EIF3I: variants seen among roughly 807,000 people sequenced by gnomAD.
EIF3I encodes eukaryotic translation initiation factor 3 subunit I.
EIF3I carries 20 observed loss-of-function variants against 43.3 expected under a neutral mutation model. The observed-to-expected ratio is 0.46, with a 90% confidence interval of 0.32 to 0.67. The LOEUF (loss-of-function observed/expected upper bound fraction) is 0.67. Among genes scored for constraint, EIF3I ranks in the 30% least tolerant of loss-of-function variants. The pLI, the probability that EIF3I is intolerant of heterozygous loss-of-function variation, is 0.03. For missense variants in EIF3I, 279 were observed against 421.4 expected (o/e 0.66, Z 2.96); for synonymous variants, 167 against 151.7 (o/e 1.10, Z -0.74).
intron 2 of EIF3I, among the ~76,000 whole-genome samples, 181 bp from the exon 3 acceptor site, chr1:32,223,853 C>T (rs185273469): frequency 8.8e-4 from 134 of 152,296 alleles, no homozygotes; most frequent in Non-Finnish European, 1.5e-3. Flanking sequence ...CTGTTGCTTC[C>T]CTTCAGGAAG....
chr1:32,231,303 C>T, exon 12 of EIF3I: 2 of 1,004,368 alleles, frequency 2.0e-6, no homozygotes, highest in South Asian at 1.4e-5. Context: ...CCAGCCTGAC[C>T]AACATGGAGA....
chr1:32,228,544 A>C, exon 7 of EIF3I: 1 of 1,614,192 alleles, frequency 6.2e-7, no homozygotes, highest in Non-Finnish European at 8.5e-7. Flanking sequence ...CCGGCAGATC[A>C]ACGACATCCA....
At chr1:32,224,246 C>G (rs933284786) in intron 3 of EIF3I, 125 bp downstream of exon 3, 6 of 1,121,288 alleles carry the variant, frequency 5.4e-6, no homozygotes, top group Middle Eastern at 2.1e-4. Flanking sequence ...ACTCCCTGGT[C>G]TCTTCACTGA....
chr1:32,235,123 G>A (rs993735584), downstream of EIF3I: 1 of 152,690 alleles, frequency 6.5e-6, no homozygotes, highest in African/African-American at 2.4e-5. Flanking sequence ...TCTGGGCGGT[G>A]GGAGTCTGGT....
intron 4 of EIF3I, 93 bp from the exon 5 acceptor site, chr1:32,226,078 A>G: frequency 1.3e-6 from 2 of 1,488,166 alleles, no homozygotes; most frequent in African/African-American, 1.4e-5. Flanking sequence ...TCACTGGAGC[A>G]AGACAAACAG....
At chr1:32,231,125 G>A (rs756475375) in exon 12 of EIF3I, 48 of 1,613,958 alleles carry the variant, frequency 3.0e-5, no homozygotes, top group East Asian at 4.5e-5. Context: ...CTACAGCAGC[G>A]GCGGCGAAGA....
intron 2 of EIF3I, among the ~76,000 whole-genome samples, chr1:32,223,184 C>A (rs1639060920): frequency 6.6e-6 from 1 of 152,220 alleles, no homozygotes; most frequent in Non-Finnish European, 1.5e-5. Flanking sequence ...ACACAGGGAA[C>A]TTAATGAGGG....
intron 6 of EIF3I, 144 bp downstream of exon 6, chr1:32,226,674 C>T: frequency 2.2e-6 from 2 of 909,364 alleles, no homozygotes; most frequent in Non-Finnish European, 2.9e-6. Context: ...TCAAGCAATT[C>T]CCCTGCCTTA....
intron 2 of EIF3I, among the ~76,000 whole-genome samples, chr1:32,223,420 A>G (rs1435210251): frequency 6.6e-6 from 1 of 152,144 alleles, no homozygotes; most frequent in Non-Finnish European, 1.5e-5. Flanking sequence ...AGTAGCTGGG[A>G]CTACAGGCTC....
exon 12 of EIF3I, chr1:32,231,312 G>T: frequency 1.1e-6 from 1 of 912,760 alleles, no homozygotes; most frequent in South Asian, 1.5e-5. Flanking sequence ...CCAACATGGA[G>T]AAACCTCGTC....
chr1:32,236,036 C>T (rs1021971658), downstream of EIF3I, among the ~76,000 whole-genome samples: 1 of 152,214 alleles, frequency 6.6e-6, no homozygotes, highest in Non-Finnish European at 1.5e-5. Context: ...ATACTCGACA[C>T]TCCCACCATA....
At chr1:32,230,224 ATC>A (rs1639214779) in intron 9 of EIF3I, among the ~76,000 whole-genome samples, 1 of 148,600 alleles carries the variant, frequency 6.7e-6, no homozygotes. Context: ...TTCACTTCTT[ATC>A]TCAATTTTTC....
At chr1:32,223,100 C>T in intron 2 of EIF3I, among the ~76,000 whole-genome samples, 1 of 152,126 alleles carries the variant, frequency 6.6e-6, no homozygotes, top group Non-Finnish European at 1.5e-5. Context: ...GGTCAGCTTG[C>T]CCAGAGAACG....
At chr1:32,235,914 C>G (rs1639292550), downstream of EIF3I, among the ~76,000 whole-genome samples, 1 of 152,212 alleles carries the variant, frequency 6.6e-6, no homozygotes, top group African/African-American at 2.4e-5. Flanking sequence ...TGACCTCCTG[C>G]CAGAAAATCT....
chr1:32,224,735 ATC>A (rs1639116190), intron 4 of EIF3I, among the ~76,000 whole-genome samples: 1 of 148,380 alleles, frequency 6.7e-6, no homozygotes, highest in Non-Finnish European at 1.5e-5. Flanking sequence ...CAATGGCACT[ATC>A]TCGGCTCACT....
chr1:32,232,357 A>T (rs1639249764), downstream of EIF3I, among the ~76,000 whole-genome samples: 1 of 152,202 alleles, frequency 6.6e-6, no homozygotes. Context: ...CACTAGAATA[A>T]AAGGGGAACA....
chr1:32,228,653 G>A, intron 7 of EIF3I, 44 bp downstream of exon 7: 1 of 1,606,180 alleles, frequency 6.2e-7, no homozygotes, highest in Non-Finnish European at 8.5e-7. Context: ...CCTCCCTCCG[G>A]CTGCACAGCT....
At chr1:32,224,539 A>G in intron 4 of EIF3I, 64 bp downstream of exon 4, 1 of 1,243,914 alleles carries the variant, frequency 8.0e-7, no homozygotes, top group South Asian at 1.2e-5. Flanking sequence ...TGTTTGAGTA[A>G]ACAGGTCCTA....
chr1:32,224,481 C>G lies in EIF3I; in HGVS notation c.250+6C>G, dbSNP rs757003697. On this transcript the variant is annotated splice_donor_region_variant and intron_variant, in intron 4 of 11. Coordinates refer to ENST00000676679, the Ensembl canonical transcript of EIF3I. The stretch of plus-strand genomic sequence containing the variant: ...TCTCTGGGACTGTGAAACAGGTAAG[C>G]TGGGTTCATTCACCTTTTTAGCAAA... The G allele has an allele frequency of 6.2e-7, 1 of 1,612,338 alleles. No individual in the cohort carries two copies. Among genetic ancestry groups the G allele is most frequent in the Non-Finnish European group, 8.5e-7 (1 of 1,179,180 alleles).
Sources: allele counts gnomAD v4.1 joint callset (sites outside exome capture counted in the v4.1 genomes callset), GRCh38; gene constraint gnomAD v4.1.1; transcripts MANE v1.5; gene names NCBI Gene and HGNC (gene_info 2026-07-23, HGNC 2026-07-21).